The following ZDHHC21 variants were observed in gnomAD, a reference collection of about 807,000 sequenced individuals.
ZDHHC21 encodes zDHHC palmitoyltransferase 21, also known as palmitoyltransferase ZDHHC21.
In ZDHHC21, 15 loss-of-function variants were observed where a neutral mutation model predicts 34.6. The ratio of observed to expected loss-of-function variants is 0.43; its 90% confidence interval spans 0.29 to 0.67. The LOEUF is 0.67. Ranked by LOEUF, ZDHHC21 falls within the 30% of genes least tolerant of loss-of-function variation. The probability of loss-of-function intolerance (pLI) is 0.14; values close to 1 mark genes in which losing one functional copy is unlikely to be tolerated. For missense variants in ZDHHC21, 344 were observed against 327.7 expected, an observed-to-expected ratio of 1.05 and a Z score of -0.38; for synonymous variants, 142 against 101.8, an observed-to-expected ratio of 1.40 and a Z score of -2.38.
chr9:14,605,596 G>A, the ZDHHC21 span, among the ~76,000 whole-genome samples: 1 of 151,940 alleles, frequency 6.6e-6, no homozygotes, highest in Non-Finnish European at 1.5e-5. Flanking sequence ...TAACCTCTTA[G>A]CAAATATGTG....
rs189938531 is a variant in ZDHHC21 at position 14,630,781 on chromosome 9, C to T, written c.621+9115G>A. On this transcript the variant is annotated intron_variant, in intron 8 of 9. Coordinates refer to ENST00000380916, the MANE Select transcript of ZDHHC21 (RefSeq NM_178566.6). ...TATCTTCATCAGAGCTCTTGAGTGA[C>T]TTGATGCATTGTCAATGAGCAGTAA... Among the ~76,000 whole-genome samples, 35 of 152,300 alleles carry T rather than the reference C, an allele frequency of 2.3e-4. No individual in the cohort carries two copies. In the East Asian group the frequency reaches 5.0e-3, roughly 22 times the overall value.
intron 5 of ZDHHC21, 28 bp downstream of exon 5, chr9:14,672,802 C>G: frequency 6.7e-7 from 1 of 1,497,488 alleles, no homozygotes; most frequent in Non-Finnish European, 9.2e-7. Context: ...CTGGCATCAG[C>G]AAAACTGATA....
the ZDHHC21 span, among the ~76,000 whole-genome samples, chr9:14,594,681 T>G: frequency 3.3e-5 from 5 of 152,264 alleles, no homozygotes; most frequent in South Asian, 1.0e-3. Context: ...TGATCACTTT[T>G]AAAAATGATA....
chr9:14,665,097 T>C (rs1834166474), intron 5 of ZDHHC21, among the ~76,000 whole-genome samples: 1 of 107,108 alleles, frequency 9.3e-6, no homozygotes, highest in Non-Finnish European at 1.9e-5. Context: ...TTGAAAACTT[T>C]GAAAAAAATT....
At chr9:14,681,813 C>T (rs1003676831) in intron 2 of ZDHHC21, among the ~76,000 whole-genome samples, 1 of 150,890 alleles carries the variant, frequency 6.6e-6, no homozygotes, top group Non-Finnish European at 1.5e-5. Context: ...ATGGGCAGAT[C>T]GAAGCCCATC....
intron 8 of ZDHHC21, among the ~76,000 whole-genome samples, chr9:14,635,565 A>T (rs1828145593): frequency 6.6e-6 from 1 of 152,230 alleles, no homozygotes; most frequent in South Asian, 2.1e-4. Context: ...TTTCAGACAA[A>T]AACACTATTT....
chr9:14,620,905 T>C (rs978524308), intron 8 of ZDHHC21, among the ~76,000 whole-genome samples: 2 of 152,038 alleles, frequency 1.3e-5, no homozygotes, highest in African/African-American at 2.4e-5. Flanking sequence ...AGCTGTGTAA[T>C]TAATGGTATC....
At chr9:14,597,317 C>G in the ZDHHC21 span, among the ~76,000 whole-genome samples, 1 of 152,076 alleles carries the variant, frequency 6.6e-6, no homozygotes, top group Non-Finnish European at 1.5e-5. Context: ...TGCAGCAGAA[C>G]AATGCTGGCT....
At chr9:14,604,824 T>C in the ZDHHC21 span, among the ~76,000 whole-genome samples, 22,785 of 152,082 alleles carry the variant, frequency 0.15, 1,787 homozygotes, top group African/African-American at 0.19. Flanking sequence ...GCTCTAGAAC[T>C]TTTTAAACTC....
At position 14,619,089 on chromosome 9, in the gene ZDHHC21, G is replaced by C. The variant is rs754172718; in HGVS notation, c.675C>G (p.Pro225=). 1.2e-6 allele frequency: 2 copies of C among 1,608,790 alleles called. No individual in the cohort carries two copies. The highest frequency in any genetic ancestry group is 2.2e-5 in the South Asian group (2 of 90,294). The change falls in exon 10 of 10, where the codon CCC becomes CCG. Residue 225 remains proline (P), a synonymous_variant. Coordinates refer to ENST00000380916, the MANE Select transcript of ZDHHC21 (RefSeq NM_178566.6). ...AGAAGGTCTGCTGCCATGGCTTTCG[G>C]GGCCTCGATCTACAGAAGACAGCAT... is the stretch of plus-strand genomic sequence containing the variant. ...MSNCCEDISR[P]RKPWQQTFSE...
intron 2 of ZDHHC21, among the ~76,000 whole-genome samples, chr9:14,689,028 C>A (rs373863292): frequency 9.2e-5 from 14 of 152,142 alleles, no homozygotes; most frequent in African/African-American, 2.9e-4. Flanking sequence ...GCCTGGTCAA[C>A]AGAGTGAGAT....
At chr9:14,601,749 T>C in the ZDHHC21 span, among the ~76,000 whole-genome samples, 1 of 152,138 alleles carries the variant, frequency 6.6e-6, no homozygotes. Flanking sequence ...ACCAACCCAG[T>C]TGTGCATCAA....
intron 8 of ZDHHC21, 111 bp from the exon 9 acceptor site, chr9:14,619,793 A>AC: frequency 1.6e-6 from 1 of 624,020 alleles, no homozygotes. Flanking sequence ...ATAGATTTAA[A>AC]CAGTTTATAT....
chr9:14,638,150 A>G (rs1213775432), intron 8 of ZDHHC21, among the ~76,000 whole-genome samples: 1 of 152,168 alleles, frequency 6.6e-6, no homozygotes, highest in Non-Finnish European at 1.5e-5. Context: ...TAACCAAAAT[A>G]GCATAGTATC....
chr9:14,610,067 TTA>T (rs1823153002), downstream of ZDHHC21, among the ~76,000 whole-genome samples: 1 of 152,020 alleles, frequency 6.6e-6, no homozygotes, highest in Non-Finnish European at 1.5e-5. Flanking sequence ...TGTAATGAGT[TTA>T]TGTTTAAATG....
At chr9:14,620,416 A>C (rs1825099373) in intron 8 of ZDHHC21, among the ~76,000 whole-genome samples, 1 of 152,002 alleles carries the variant, frequency 6.6e-6, no homozygotes, top group Non-Finnish European at 1.5e-5. Context: ...CAAATTACAC[A>C]ATCTTATTTT....
intron 7 of ZDHHC21, among the ~76,000 whole-genome samples, chr9:14,641,567 G>C (rs1338404362): frequency 6.6e-6 from 1 of 151,910 alleles, no homozygotes; most frequent in Non-Finnish European, 1.5e-5. Context: ...AAATATGTAG[G>C]AATACACAAA....
At chr9:14,686,943 A>T (rs182069793) in intron 2 of ZDHHC21, among the ~76,000 whole-genome samples, 1 of 149,284 alleles carries the variant, frequency 6.7e-6, no homozygotes, top group African/African-American at 2.6e-5. Context: ...ACAGCACTCC[A>T]GCCTGGGCGA....
In ZDHHC21 at chr9:14,622,905, G is replaced by A. The variant is rs559789326; in HGVS notation, c.622-3223C>T. ...TTCAATCTAACCTCAATTATCCCCT[G>A]CATTCTTTATTATTATAGGTCTTGT... On this transcript the variant is annotated intron_variant, in intron 8 of 9. Coordinates refer to ENST00000380916, the MANE Select transcript of ZDHHC21 (RefSeq NM_178566.6). 3.6e-4 allele frequency among the ~76,000 whole-genome samples: 54 copies of A among 152,100 alleles called. 1 individual carries two copies. Among genetic ancestry groups the A allele is most frequent in the African/African-American group, 1.3e-3 (54 of 41,518 alleles).
Sources: allele counts gnomAD v4.1 joint callset (sites outside exome capture counted in the v4.1 genomes callset), GRCh38; gene constraint gnomAD v4.1.1; transcripts MANE v1.5; gene names NCBI Gene and HGNC (gene_info 2026-07-23, HGNC 2026-07-21).